INPP4B: variants seen among roughly 807,000 people sequenced by gnomAD.
INPP4B encodes inositol polyphosphate 4-phosphatase type II.
INPP4B carries 55 observed loss-of-function variants against 122.5 expected under a neutral mutation model. That is an observed-to-expected ratio of 0.45 (90% CI 0.36 to 0.56). The LOEUF (loss-of-function observed/expected upper bound fraction) is 0.56. Ranked by LOEUF, INPP4B falls within the 20% of genes least tolerant of loss-of-function variation. INPP4B has a pLI of 0.00. For synonymous variants in INPP4B, 403 were observed against 388.7 expected, an observed-to-expected ratio of 1.04 and a Z score of -0.43; for missense variants, 1,000 against 1,097.7, an observed-to-expected ratio of 0.91 and a Z score of 1.26.
chr4:142,680,549 C>G (rs1346859441), intron 2 of INPP4B, among the ~76,000 whole-genome samples: 4 of 151,834 alleles, frequency 2.6e-5, no homozygotes, highest in Admixed American at 6.6e-5. Flanking sequence ...TCAAAGGGTT[C>G]TACTTGACAT....
intron 2 of INPP4B, among the ~76,000 whole-genome samples, chr4:142,512,103 G>A (rs1252043969): frequency 6.6e-6 from 1 of 152,108 alleles, no homozygotes; most frequent in African/African-American, 2.4e-5. Flanking sequence ...CTCAATCTTA[G>A]TTACTCAAAA....
chr4:142,298,657 C>G lies in INPP4B; in HGVS notation c.503+6801G>C, dbSNP rs1759899733. ...AGACATTGCACCATTGAACTCCAGC[C>G]TTGGTGACAGAGCAAGACTCTGTCT... On this transcript the variant is annotated intron_variant, in intron 9 of 25. Transcript: ENST00000262992. Among the ~76,000 whole-genome samples, 8 of 113,402 alleles carry G rather than the reference C, an allele frequency of 7.1e-5. No homozygotes were observed. The South Asian group carries it at 2.5e-3, about 35-fold the overall frequency. 74.4% of individuals were successfully genotyped at this position (113,402 alleles called of 152,430 possible).
chr4:142,149,751 T>C (rs568042117), intron 17 of INPP4B, among the ~76,000 whole-genome samples: 4 of 152,116 alleles, frequency 2.6e-5, no homozygotes, highest in Admixed American at 6.5e-5. Flanking sequence ...ATCAAAGGTG[T>C]CTTATAAGCA....
At chr4:142,097,251 T>TTTTATTTTATTTTAA (rs1315868045) in intron 23 of INPP4B, among the ~76,000 whole-genome samples, 3 of 150,040 alleles carry the variant, frequency 2.0e-5, no homozygotes, top group Non-Finnish European at 4.4e-5. Context: ...TTTTATTTTA[T>TTTTATTTTATTTTAA]TTTATTTTAT....
intron 2 of INPP4B, among the ~76,000 whole-genome samples, chr4:142,693,371 T>TCTTAGC: frequency 6.6e-6 from 1 of 151,774 alleles, no homozygotes; most frequent in Admixed American, 6.6e-5. Context: ...TAGGCTGAGT[T>TCTTAGC]CCTTAAAGGG....
intron 1 of INPP4B, among the ~76,000 whole-genome samples, chr4:142,748,965 C>A (rs1181228580): frequency 1.3e-5 from 2 of 151,624 alleles, no homozygotes; most frequent in Non-Finnish European, 2.9e-5. Flanking sequence ...CATGGCAAAA[C>A]CCCGTCTCTA....
chr4:142,264,962 TTCTC>T (rs1323412514), intron 10 of INPP4B, among the ~76,000 whole-genome samples: 2 of 149,180 alleles, frequency 1.3e-5, no homozygotes, highest in Admixed American at 6.7e-5. Flanking sequence ...TCCTCTCTCT[TTCTC>T]TCTCTCTCTC....
At chr4:142,643,151 G>T (rs901701072) in intron 2 of INPP4B, among the ~76,000 whole-genome samples, 5 of 152,214 alleles carry the variant, frequency 3.3e-5, no homozygotes, top group Non-Finnish European at 7.4e-5. Flanking sequence ...TTACTTATCA[G>T]CTTAAGGAGA....
chr4:142,200,055 TATTA>T (rs1840004415), intron 14 of INPP4B, among the ~76,000 whole-genome samples: 1 of 152,098 alleles, frequency 6.6e-6, no homozygotes, highest in Admixed American at 6.6e-5. Context: ...TCTCTCACAT[TATTA>T]ATTAGAATTC....
intron 2 of INPP4B, among the ~76,000 whole-genome samples, chr4:142,632,361 T>C (rs1250379904): frequency 6.6e-6 from 1 of 152,176 alleles, no homozygotes; most frequent in Non-Finnish European, 1.5e-5. Flanking sequence ...TTACATGATT[T>C]CACTCATATG....
At chr4:142,207,837 G>A (rs1317578268) in intron 14 of INPP4B, among the ~76,000 whole-genome samples, 1 of 152,068 alleles carries the variant, frequency 6.6e-6, no homozygotes, top group African/African-American at 2.4e-5. Flanking sequence ...TATGTAGAAT[G>A]GTAGTAAATA....
At chr4:142,836,432 G>A (rs899971831) in intron 1 of INPP4B, among the ~76,000 whole-genome samples, 12 of 151,934 alleles carry the variant, frequency 7.9e-5, no homozygotes, top group East Asian at 3.9e-4. Context: ...GTGTGTGCGC[G>A]CGTGTGTGTA....
intron 1 of INPP4B, among the ~76,000 whole-genome samples, chr4:142,806,168 A>G (rs1422462810): frequency 2.0e-5 from 3 of 149,686 alleles, no homozygotes; most frequent in African/African-American, 7.4e-5. Flanking sequence ...AGTCCCAGCT[A>G]CTAGGGAGGT....
intron 2 of INPP4B, among the ~76,000 whole-genome samples, chr4:142,541,518 CT>C (rs34176648): frequency 0.47 from 70,969 of 152,002 alleles, 19,226 homozygotes; most frequent in Non-Finnish European, 0.62. Flanking sequence ...AGACTAGGCA[CT>C]TTTTTTCTTT....
chr4:142,721,065 T>C (rs1395996159), intron 2 of INPP4B, among the ~76,000 whole-genome samples: 1 of 151,428 alleles, frequency 6.6e-6, no homozygotes, highest in African/African-American at 2.4e-5. Context: ...TTCAATGATG[T>C]GATTCTCCTT....
chr4:142,615,039 A>G (rs1221528549), intron 2 of INPP4B, among the ~76,000 whole-genome samples: 2 of 152,200 alleles, frequency 1.3e-5, no homozygotes, highest in Non-Finnish European at 2.9e-5. Flanking sequence ...TTCACTACTG[A>G]GTATCCACTC....
chr4:142,027,853 T>C lies in INPP4B; in HGVS notation c.*929A>G, dbSNP rs1737504966. 1 of 175,680 alleles carries C rather than the reference T, an allele frequency of 5.7e-6. No individual in the cohort carries two copies. Among genetic ancestry groups the C allele is most frequent in the South Asian group, 2.0e-4 (1 of 5,028 alleles). The allele number at this position is 175,680 out of a possible 1,614,324, so 10.9% of individuals were successfully genotyped here. A position where few individuals can be genotyped will look rare whatever the true frequency, so the allele number is the denominator to read the frequency against. ...TATCATTTGTTGTGGTTGCATATGTTTTAAAGGCTTATTAACACACACAAA... is the reference window on the plus strand; with the variant it reads ...TATCATTTGTTGTGGTTGCATATGTCTTAAAGGCTTATTAACACACACAAA... On this transcript the variant is annotated 3_prime_UTR_variant, in exon 26 of 26. Coordinates refer to ENST00000262992, the MANE Select transcript of INPP4B (RefSeq NM_001101669.3).
At chr4:142,306,002 G>T in intron 8 of INPP4B, 1 of 828,982 alleles carries the variant, frequency 1.2e-6, no homozygotes, top group Non-Finnish European at 1.5e-6. Flanking sequence ...GTTATAAATA[G>T]AAATGTTATA....
intron 1 of INPP4B, among the ~76,000 whole-genome samples, chr4:142,760,272 A>G (rs886504988): frequency 3.9e-5 from 6 of 152,164 alleles, no homozygotes; most frequent in Admixed American, 1.3e-4. Flanking sequence ...GAACAGTAAT[A>G]TATCATTTTA....
Sources: allele counts gnomAD v4.1 joint callset (sites outside exome capture counted in the v4.1 genomes callset), GRCh38; gene constraint gnomAD v4.1.1; transcripts MANE v1.5; gene names NCBI Gene and HGNC (gene_info 2026-07-23, HGNC 2026-07-21).